Variants in ASTN2 observed in about 807,000 individuals in gnomAD.
The protein encoded by ASTN2 is astrotactin 2, also known as astrotactin-2.
Under a neutral mutation model 139.8 loss-of-function variants are expected in ASTN2, and 54 were observed. The ratio of observed to expected loss-of-function variants is 0.39; its 90% CI spans 0.31 to 0.48. ASTN2 has a LOEUF of 0.48. Ranked by LOEUF, ASTN2 falls within the 20% of genes least tolerant of loss-of-function variation. The pLI is 0.95. For synonymous variants in ASTN2, 756 were observed against 719.5 expected, an observed-to-expected ratio of 1.05 and a Z score of -0.81; for missense variants, 1,565 against 1,725.1, an observed-to-expected ratio of 0.91 and a Z score of 1.64.
chr9:116,473,137 A>G (rs1035145358), intron 20 of ASTN2, among the ~76,000 whole-genome samples: 1 of 152,204 alleles, frequency 6.6e-6, no homozygotes, highest in African/African-American at 2.4e-5. Flanking sequence ...GATAAATGGT[A>G]CATGATGACA....
At chr9:116,748,253 A>T (rs1053432157) in intron 13 of ASTN2, among the ~76,000 whole-genome samples, 4 of 152,196 alleles carry the variant, frequency 2.6e-5, no homozygotes, top group African/African-American at 9.6e-5. Flanking sequence ...ATTGAAACCT[A>T]AAGATGGCCT....
intron 16 of ASTN2, chr9:116,700,141 G>C (rs1861099595): frequency 3.9e-6 from 1 of 253,488 alleles, no homozygotes; most frequent in Admixed American, 5.2e-5. Context: ...ACTCTGATTG[G>C]ATTCACTGTG....
At chr9:116,548,041 C>T (rs1027676153) in intron 19 of ASTN2, among the ~76,000 whole-genome samples, 3 of 152,214 alleles carry the variant, frequency 2.0e-5, no homozygotes, top group South Asian at 2.1e-4. Context: ...AGCAAACCTG[C>T]GTCCTCAGGT....
chr9:117,043,163 G>A (rs906014838), intron 5 of ASTN2, among the ~76,000 whole-genome samples: 1 of 152,132 alleles, frequency 6.6e-6, no homozygotes, highest in African/African-American at 2.4e-5. Flanking sequence ...GAACCACCAT[G>A]CCTGGCCAGC....
At chr9:116,880,037 A>G (rs553072004) in intron 10 of ASTN2, among the ~76,000 whole-genome samples, 1 of 152,346 alleles carries the variant, frequency 6.6e-6, no homozygotes, top group African/African-American at 2.4e-5. Flanking sequence ...AAGTAAAAAT[A>G]TCTAGTAGCA....
At chr9:117,167,296 T>C (rs1038316449) in intron 3 of ASTN2, among the ~76,000 whole-genome samples, 5 of 152,104 alleles carry the variant, frequency 3.3e-5, no homozygotes, top group African/African-American at 1.2e-4. Flanking sequence ...ATTTCCTTAA[T>C]TGCTAAATTT....
chr9:116,985,084 T>C (rs1026507597), intron 7 of ASTN2, among the ~76,000 whole-genome samples: 2 of 152,198 alleles, frequency 1.3e-5, no homozygotes, highest in African/African-American at 4.8e-5. Context: ...TGACCTGAGG[T>C]AGTTCCCTCC....
chr9:117,012,166 A>G (rs913394214), intron 6 of ASTN2, among the ~76,000 whole-genome samples: 1 of 152,300 alleles, frequency 6.6e-6, no homozygotes, highest in East Asian at 1.9e-4. Flanking sequence ...GGAATTGTGA[A>G]GCAGAAATGC....
chr9:116,732,878 A>G (rs114961921), intron 14 of ASTN2, among the ~76,000 whole-genome samples: 2,587 of 152,264 alleles, frequency 0.017, 79 homozygotes, highest in African/African-American at 0.059. Flanking sequence ...CTCTCTAAGT[A>G]TAGCTTCCTA....
intron 19 of ASTN2, among the ~76,000 whole-genome samples, chr9:116,522,381 G>A (rs1361515822): frequency 6.6e-6 from 1 of 152,088 alleles, no homozygotes; most frequent in Non-Finnish European, 1.5e-5. Flanking sequence ...GGATGGAATT[G>A]GAGACTATTA....
intron 4 of ASTN2, among the ~76,000 whole-genome samples, chr9:117,096,706 T>C (rs569442271): frequency 1.3e-5 from 2 of 152,304 alleles, no homozygotes; most frequent in Non-Finnish European, 2.9e-5. Context: ...ACCTAATTCA[T>C]GGCTTCTGTT....
At chr9:116,966,191 A>T (rs1836006866) in intron 10 of ASTN2, among the ~76,000 whole-genome samples, 1 of 152,200 alleles carries the variant, frequency 6.6e-6, no homozygotes, top group African/African-American at 2.4e-5. Flanking sequence ...ATAACAACTC[A>T]TTTCTCAGTT....
chr9:116,682,487 A>G (rs1276307870), intron 16 of ASTN2, among the ~76,000 whole-genome samples: 3 of 152,212 alleles, frequency 2.0e-5, no homozygotes, highest in Non-Finnish European at 4.4e-5. Flanking sequence ...AGGGATCTAG[A>G]ACTAGAAATA....
intron 2 of ASTN2, among the ~76,000 whole-genome samples, chr9:117,234,808 C>T (rs1300849272): frequency 1.3e-5 from 2 of 152,148 alleles, no homozygotes; most frequent in Non-Finnish European, 2.9e-5. Flanking sequence ...TAGAACCTGG[C>T]CCCTTGGTGG....
At chr9:116,608,461 C>T (rs1855328901) in intron 19 of ASTN2, among the ~76,000 whole-genome samples, 1 of 152,076 alleles carries the variant, frequency 6.6e-6, no homozygotes, top group South Asian at 2.1e-4. Context: ...CAATAATTAG[C>T]CCTAGACTAA....
At chr9:117,204,221 G>A (rs948279191) in intron 3 of ASTN2, among the ~76,000 whole-genome samples, 4 of 152,162 alleles carry the variant, frequency 2.6e-5, no homozygotes, top group Non-Finnish European at 5.9e-5. Context: ...AAAAATTTTT[G>A]TGTATTTTTG....
intron 7 of ASTN2, among the ~76,000 whole-genome samples, chr9:116,985,911 G>T (rs946306949): frequency 6.6e-6 from 1 of 152,180 alleles, no homozygotes; most frequent in African/African-American, 2.4e-5. Flanking sequence ...AAGGGGAAAG[G>T]TGTCAGCCTG....
intron 10 of ASTN2, among the ~76,000 whole-genome samples, chr9:116,879,157 T>C (rs1466499514): frequency 6.6e-6 from 1 of 152,176 alleles, no homozygotes; most frequent in African/African-American, 2.4e-5. Context: ...TGTGTGTACC[T>C]GGGTGACCCT....
At chr9:117,161,462 C>G (rs576860383) in intron 3 of ASTN2, among the ~76,000 whole-genome samples, 2 of 151,966 alleles carry the variant, frequency 1.3e-5, no homozygotes, top group Non-Finnish European at 2.9e-5. Flanking sequence ...GGTGCAATCT[C>G]GGCTCACTGC....
Sources: allele counts gnomAD v4.1 joint callset (sites outside exome capture counted in the v4.1 genomes callset), GRCh38; gene constraint gnomAD v4.1.1; transcripts MANE v1.5; gene names NCBI Gene and HGNC (gene_info 2026-07-23, HGNC 2026-07-21).